The following BTBD9 variants were observed in gnomAD, a reference collection of about 807,000 sequenced individuals.
BTBD9 encodes BTB domain containing 9, also known as BTB/POZ domain-containing protein 9.
BTBD9 carries 49 observed loss-of-function variants against 64.3 expected under a neutral mutation model. That is an observed-to-expected ratio of 0.76 (90% CI 0.61 to 0.97). The LOEUF is 0.97. Ranked by LOEUF, BTBD9 falls within the 50% of genes least tolerant of loss-of-function variation. The pLI is 0.00. For missense variants in BTBD9, 598 were observed against 762.1 expected, an observed-to-expected ratio of 0.78 and a Z score of 2.53; for synonymous variants, 260 against 274.7, an observed-to-expected ratio of 0.95 and a Z score of 0.53.
intron 6 of BTBD9, among the ~76,000 whole-genome samples, chr6:38,373,557 G>C (rs1765513361): frequency 6.6e-6 from 1 of 152,106 alleles, no homozygotes; most frequent in African/African-American, 2.4e-5. Context: ...CTGAAGACAA[G>C]GTCTCACTCT....
Position 38,174,686 on chromosome 6 carries a change from C to T in BTBD9, c.*299G>A, listed in dbSNP as rs576720268. The stretch of plus-strand genomic sequence containing the variant: ...ACACAGGCCTGTCTATGACTTCCTC[C>T]TGTTCCCTGCGCCTGGGCTAGATTA... On this transcript the variant is annotated 3_prime_UTR_variant, in exon 11 of 11. Coordinates refer to ENST00000481247, the MANE Select transcript of BTBD9 (RefSeq NM_001099272.2). 9.7e-6 allele frequency: 4 copies of T among 413,584 alleles called. No individual in the cohort carries two copies. Among genetic ancestry groups the T allele is most frequent in the African/African-American group, 7.9e-5 (4 of 50,686 alleles). The allele number at this position is 413,584 out of a possible 1,614,324, so 25.6% of individuals were successfully genotyped here.
chr6:38,303,228 G>T (rs1306680755), intron 7 of BTBD9, among the ~76,000 whole-genome samples: 4 of 152,120 alleles, frequency 2.6e-5, no homozygotes, highest in Admixed American at 6.6e-5. Context: ...ACCAAGTCAT[G>T]AAGCATTTCC....
chr6:38,465,705 AATTATATATATATATATATATATATAT>A (rs1300136245), intron 6 of BTBD9, among the ~76,000 whole-genome samples: 1 of 81,044 alleles, frequency 1.2e-5, no homozygotes, highest in Non-Finnish European at 2.3e-5. Context: ...TAAATAAATA[AATTATATATATATATATATATATATAT>A]ATATATATAT....
chr6:38,525,227 T>A (rs1582575488), intron 6 of BTBD9, among the ~76,000 whole-genome samples: 1 of 152,128 alleles, frequency 6.6e-6, no homozygotes, highest in Admixed American at 6.6e-5. Flanking sequence ...CGAGATCTGA[T>A]GGTTTTATAA....
rs571222215 is a variant in BTBD9 at position 38,253,718 on chromosome 6, T to C, written c.1562+2691A>G. On this transcript the variant is annotated intron_variant, in intron 9 of 10. Coordinates refer to ENST00000481247, the MANE Select transcript of BTBD9 (RefSeq NM_001099272.2). Reference sequence around the variant, plus strand: ...CAAAGACTCTGGAAAGACAAATGCATAGTTGTTCATGGGCCGTGGAGGCCC... The same window carrying C: ...CAAAGACTCTGGAAAGACAAATGCACAGTTGTTCATGGGCCGTGGAGGCCC... 8.5e-5 allele frequency among the ~76,000 whole-genome samples: 13 copies of C among 152,248 alleles called. No homozygotes were observed. The South Asian group carries it at 2.7e-3, about 32-fold the overall frequency.
intron 7 of BTBD9, among the ~76,000 whole-genome samples, chr6:38,293,987 C>T (rs554913120): frequency 3.9e-5 from 6 of 152,104 alleles, no homozygotes; most frequent in Non-Finnish European, 7.4e-5. Context: ...AAAAAACAAA[C>T]AACCCCATCA....
chr6:38,336,742 G>A (rs1020610908), intron 7 of BTBD9, among the ~76,000 whole-genome samples: 2 of 152,158 alleles, frequency 1.3e-5, no homozygotes, highest in South Asian at 2.1e-4. Flanking sequence ...GCTCTGGTTA[G>A]TGCCCCCTGT....
intron 6 of BTBD9, among the ~76,000 whole-genome samples, chr6:38,379,610 A>C (rs1562102588): frequency 6.6e-6 from 1 of 150,562 alleles, no homozygotes; most frequent in Non-Finnish European, 1.5e-5. Context: ...TAGAAAGGAT[A>C]TCTCTTAAGA....
Position 38,291,984 on chromosome 6 carries a change from G to T in BTBD9, c.1265-3523C>A, listed in dbSNP as rs141227676. Among the ~76,000 whole-genome samples the T allele has an allele frequency of 6.5e-3, 966 of 148,316 alleles. 7 individuals are homozygous for T. The highest frequency in any genetic ancestry group is 0.023 in the African/African-American group (916 of 39,888). On this transcript the variant is annotated intron_variant, in intron 7 of 10. Transcript: ENST00000481247. ...TTCTTTCTTTTTTTTTTTTTGAGAC[G>T]AAGTTTTGCTCTTGTTGCCCAGGCC...
At position 38,432,515 on chromosome 6, in the gene BTBD9, A is replaced by T. The variant is rs771837018; in HGVS notation, c.1155-87422T>A. ...CTGAATTCTGCTAAAATGTAGGCAT[A>T]GTTTCCATAATCCCCTTACTGCTCA... On this transcript the variant is annotated intron_variant, in intron 6 of 10. Transcript: ENST00000481247. 1.6e-4 allele frequency among the ~76,000 whole-genome samples: 24 copies of T among 152,012 alleles called. 1 individual carries two copies. The highest frequency in any genetic ancestry group is 2.9e-4 in the Non-Finnish European group (20 of 68,046).
chr6:38,440,848 C>G (rs764097065), intron 6 of BTBD9, among the ~76,000 whole-genome samples: 1 of 152,122 alleles, frequency 6.6e-6, no homozygotes, highest in Non-Finnish European at 1.5e-5. Flanking sequence ...AGATATAACA[C>G]CGGTCAGGGA....
intron 7 of BTBD9, among the ~76,000 whole-genome samples, chr6:38,313,327 G>A (rs188049515): frequency 1.3e-5 from 2 of 152,218 alleles, no homozygotes; most frequent in African/African-American, 4.8e-5. Context: ...CTTCAAACAA[G>A]GGTAATTTGA....
chr6:38,209,410 G>A (rs1455330732), intron 9 of BTBD9, among the ~76,000 whole-genome samples: 2 of 152,308 alleles, frequency 1.3e-5, no homozygotes, highest in Non-Finnish European at 1.5e-5. Flanking sequence ...TCTTGGCCTC[G>A]AGACAGGTAC....
intron 6 of BTBD9, among the ~76,000 whole-genome samples, chr6:38,349,395 G>A (rs760005517): frequency 6.6e-6 from 1 of 152,144 alleles, no homozygotes; most frequent in African/African-American, 2.4e-5. Flanking sequence ...TTGTCTTGGA[G>A]AGTACAGTAG....
chr6:38,493,924 T>G (rs376328961), intron 6 of BTBD9, among the ~76,000 whole-genome samples: 1 of 152,252 alleles, frequency 6.6e-6, no homozygotes, highest in Non-Finnish European at 1.5e-5. Context: ...TACACACATT[T>G]GAGTAAATTA....
chr6:38,558,250 C>G (rs1775111947), intron 6 of BTBD9, among the ~76,000 whole-genome samples: 1 of 137,924 alleles, frequency 7.3e-6, no homozygotes, highest in African/African-American at 2.9e-5. Context: ...GCAGTGAGAC[C>G]CTTTCTTAAA....
intron 1 of BTBD9, among the ~76,000 whole-genome samples, chr6:38,629,934 G>A (rs765330914): frequency 5.9e-5 from 9 of 151,740 alleles, no homozygotes; most frequent in Non-Finnish European, 8.8e-5. Context: ...CAGGCCAGGC[G>A]TGGTGGCTCA....
chr6:38,350,899 T>G (rs961900699), intron 6 of BTBD9, among the ~76,000 whole-genome samples: 2 of 152,232 alleles, frequency 1.3e-5, no homozygotes, highest in African/African-American at 4.8e-5. Context: ...ATACTAAGAT[T>G]ATACACAAAT....
chr6:38,324,134 T>C (rs1321815949), intron 7 of BTBD9, among the ~76,000 whole-genome samples: 1 of 151,698 alleles, frequency 6.6e-6, no homozygotes, highest in Non-Finnish European at 1.5e-5. Context: ...GTGTAACACT[T>C]AGTTCAAAAA....
Sources: gnomAD v4.1 joint callset for allele counts (sites outside exome capture counted in the v4.1 genomes callset) on GRCh38, gnomAD v4.1.1 for gene constraint, MANE v1.5 for transcripts, NCBI Gene and HGNC (gene_info 2026-07-23, HGNC 2026-07-21) for gene names.